Variants in PLXDC2 observed in about 807,000 individuals in gnomAD.
PLXDC2 encodes the protein plexin domain containing 2.
A neutral mutation model predicts 68.9 loss-of-function variants in PLXDC2; 40 were observed. The ratio of observed to expected loss-of-function variants is 0.58; its 90% CI spans 0.45 to 0.76. The LOEUF is 0.76. PLXDC2 is among the 30% of genes least tolerant of loss of function. The pLI is 0.00. For synonymous variants in PLXDC2, 243 were observed against 234.2 expected, an observed-to-expected ratio of 1.04 and a Z score of -0.34; for missense variants, 644 against 661.9, an observed-to-expected ratio of 0.97 and a Z score of 0.30.
intron 13 of PLXDC2, among the ~76,000 whole-genome samples, chr10:20,274,452 G>C (rs931181889): frequency 6.6e-6 from 1 of 152,096 alleles, no homozygotes; most frequent in African/African-American, 2.4e-5. Flanking sequence ...ACTAATCCTT[G>C]AAGATCATCC....
chr10:20,198,023 A>T (rs796426244), intron 9 of PLXDC2, among the ~76,000 whole-genome samples: 3 of 152,302 alleles, frequency 2.0e-5, no homozygotes, highest in African/African-American at 7.2e-5. Context: ...AACTTCTGTT[A>T]GATAATAAAT....
chr10:20,230,447 A>G (rs186820763), intron 12 of PLXDC2, among the ~76,000 whole-genome samples: 24 of 152,158 alleles, frequency 1.6e-4, no homozygotes, highest in African/African-American at 5.8e-4. Context: ...AGGAGGGCAG[A>G]TTGTTTGGTC....
chr10:20,011,208 A>G (rs1363209742), intron 2 of PLXDC2, among the ~76,000 whole-genome samples: 2 of 152,150 alleles, frequency 1.3e-5, no homozygotes, highest in East Asian at 1.9e-4. Context: ...ACAAGTGGCC[A>G]TTGAGTATGG....
At chr10:20,239,178 T>C (rs1472141900) in intron 12 of PLXDC2, among the ~76,000 whole-genome samples, 1 of 152,186 alleles carries the variant, frequency 6.6e-6, no homozygotes, top group East Asian at 1.9e-4. Context: ...GTGAGAAAGA[T>C]GCTTGTTTAG....
At chr10:20,002,778 G>A (rs1834964274) in intron 2 of PLXDC2, among the ~76,000 whole-genome samples, 1 of 152,120 alleles carries the variant, frequency 6.6e-6, no homozygotes, top group Non-Finnish European at 1.5e-5. Context: ...ACCTGTTTAT[G>A]GGAAGAGGGA....
Position 20,211,455 on chromosome 10 carries a change from T to G in PLXDC2, c.1062-214T>G, listed in dbSNP as rs529523572. Among the ~76,000 whole-genome samples, 16 of 152,292 alleles carry G rather than the reference T, an allele frequency of 1.1e-4. No individual in the cohort carries two copies. The South Asian group carries it at 3.3e-3, about 32-fold the overall frequency. On this transcript the variant is annotated intron_variant, in intron 9 of 13. Transcript: ENST00000377252. Reference sequence around the variant, plus strand: ...ACAGTGATTTGGTTGCCATGTGCGATCCTAACAGTGACATCCTAAGGAATG... The same window carrying G: ...ACAGTGATTTGGTTGCCATGTGCGAGCCTAACAGTGACATCCTAAGGAATG...
intron 9 of PLXDC2, among the ~76,000 whole-genome samples, chr10:20,207,991 C>T (rs1835015831): frequency 6.6e-6 from 1 of 151,964 alleles, no homozygotes; most frequent in African/African-American, 2.4e-5. Flanking sequence ...CATGTGGACT[C>T]ATTGCAAAAC....
intron 1 of PLXDC2, among the ~76,000 whole-genome samples, chr10:19,845,429 T>C (rs1836990187): frequency 1.3e-5 from 2 of 152,232 alleles, no homozygotes; most frequent in South Asian, 4.1e-4. Flanking sequence ...AAAACTCTTC[T>C]TCTGAGTGTT....
chr10:20,068,228 T>C lies in PLXDC2; in HGVS notation c.530T>C (p.Val177Ala). 2 of 1,612,496 alleles carry C rather than the reference T, an allele frequency of 1.2e-6. No individual in the cohort carries two copies. Among genetic ancestry groups the C allele is most frequent in the Non-Finnish European group, 8.5e-7 (1 of 1,178,822 alleles). The change falls in exon 4 of 14, where the codon GTG becomes GCG. Residue 177 changes from valine (V) to alanine (A), a missense_variant. Val to Ala is a moderately conservative substitution (Grantham distance 64, BLOSUM62 0). Coordinates refer to ENST00000377252, the MANE Select transcript of PLXDC2 (RefSeq NM_032812.9). ...GGCCACTTCCTACGTGAAATCACTG[T>C]GGCAACCGGGGGTAAGTGGTTTTCT... Reference protein sequence around the residue: ...FYGHFLREITVATGGFIYTGE... With the variant: ...FYGHFLREITAATGGFIYTGE...
At chr10:20,178,571 C>A (rs187838056) in intron 9 of PLXDC2, among the ~76,000 whole-genome samples, 58 of 152,206 alleles carry the variant, frequency 3.8e-4, no homozygotes, top group African/African-American at 1.4e-3. Flanking sequence ...GTGTATGTTA[C>A]ACCCGAGCTT....
At chr10:19,857,292 A>G (rs1348156453) in intron 1 of PLXDC2, among the ~76,000 whole-genome samples, 2 of 152,196 alleles carry the variant, frequency 1.3e-5, no homozygotes, top group African/African-American at 4.8e-5. Flanking sequence ...AGAAAACCAA[A>G]ATGGCCTAGA....
At chr10:20,143,890 A>G (rs538943774) in intron 5 of PLXDC2, among the ~76,000 whole-genome samples, 2 of 152,264 alleles carry the variant, frequency 1.3e-5, no homozygotes, top group South Asian at 4.1e-4. Context: ...AGTTCAACTG[A>G]AGAAAATAAA....
At chr10:19,866,561 A>G (rs570527980) in intron 1 of PLXDC2, among the ~76,000 whole-genome samples, 26 of 152,276 alleles carry the variant, frequency 1.7e-4, no homozygotes, top group East Asian at 3.9e-4. Context: ...TCCATCTGCA[A>G]TTTCCACCTA....
intron 1 of PLXDC2, among the ~76,000 whole-genome samples, chr10:19,965,721 G>GTT (rs1834236469): frequency 1.4e-5 from 2 of 142,450 alleles, no homozygotes; most frequent in Non-Finnish European, 3.1e-5. Flanking sequence ...TTTTTTTTGG[G>GTT]GGGGGGGGTT....
At chr10:19,850,551 C>T (rs1484513071) in intron 1 of PLXDC2, among the ~76,000 whole-genome samples, 2 of 152,090 alleles carry the variant, frequency 1.3e-5, no homozygotes, top group East Asian at 1.9e-4. Context: ...CGTTTCATCA[C>T]GAGAGACCCA....
intron 2 of PLXDC2, among the ~76,000 whole-genome samples, chr10:20,030,768 C>T (rs1045524414): frequency 6.6e-6 from 1 of 152,052 alleles, no homozygotes; most frequent in Admixed American, 6.6e-5. Flanking sequence ...CTGAAAGTCC[C>T]CAAAATAAAA....
chr10:20,012,296 T>G (rs1478208798), intron 2 of PLXDC2, among the ~76,000 whole-genome samples: 3 of 127,696 alleles, frequency 2.3e-5, no homozygotes, highest in Non-Finnish European at 1.6e-5. Context: ...TCTCTCTCTC[T>G]CTCTCTCTTT....
chr10:20,126,868 TATATA>T (rs1411957856), intron 4 of PLXDC2, among the ~76,000 whole-genome samples: 1 of 147,536 alleles, frequency 6.8e-6, no homozygotes, highest in Non-Finnish European at 1.5e-5. Context: ...TATGTATGTA[TATATA>T]ATATATGATA....
intron 1 of PLXDC2, among the ~76,000 whole-genome samples, chr10:19,859,002 C>T (rs771924014): frequency 2.8e-4 from 42 of 150,778 alleles, no homozygotes; most frequent in Admixed American, 5.3e-4. Flanking sequence ...GCAGGGAACC[C>T]ATGATGAGAA....
Sources: gnomAD v4.1 joint callset for allele counts (sites outside exome capture counted in the v4.1 genomes callset) on GRCh38, gnomAD v4.1.1 for gene constraint, MANE v1.5 for transcripts, NCBI Gene and HGNC (gene_info 2026-07-23, HGNC 2026-07-21) for gene names.